Variants in R3HDM2 observed in about 807,000 individuals in gnomAD.
R3HDM2 encodes R3H domain-containing protein 2.
In R3HDM2, 38 loss-of-function variants were observed where a neutral mutation model predicts 124.5. The observed-to-expected ratio is 0.31, with a 90% CI of 0.24 to 0.40. The LOEUF (loss-of-function observed/expected upper bound fraction) is 0.40, where lower values mean the gene tolerates loss of function less well. Ranked by LOEUF, R3HDM2 falls within the 10% of genes least tolerant of loss-of-function variation. The probability of loss-of-function intolerance (pLI) is 1.00; values close to 1 mark genes in which losing one functional copy is unlikely to be tolerated. For missense variants in R3HDM2, 869 were observed against 1,236.9 expected, an observed-to-expected ratio of 0.70 and a Z score of 4.46; for synonymous variants, 391 against 448.0, an observed-to-expected ratio of 0.87 and a Z score of 1.61.
At chr12:57,414,112 G>C (rs1415586980) in intron 1 of R3HDM2, among the ~76,000 whole-genome samples, 1 of 151,164 alleles carries the variant, frequency 6.6e-6, no homozygotes, top group Non-Finnish European at 1.5e-5. Flanking sequence ...GCCTCCCAGA[G>C]TGCTGGGATC....
In R3HDM2 at chr12:57,255,951, G is replaced by T. The variant is rs367938273; in HGVS notation, c.2632+39C>A. ...ACTGGTAATTAAGCGCTGGAAGGGT[G>T]GGCACCTTCTCTTGGGGATTCAGCA... On this transcript the variant is annotated intron_variant, in intron 23 of 23. Transcript: ENST00000402412. 57 of 1,568,738 alleles carry T rather than the reference G, an allele frequency of 3.6e-5. No individual in the cohort carries two copies. In the African/African-American group the frequency reaches 6.2e-4, roughly 17 times the overall value.
At chr12:57,295,289 C>T (rs1180562823) in intron 10 of R3HDM2, 110 bp downstream of exon 10, 2 of 737,982 alleles carry the variant, frequency 2.7e-6, no homozygotes, top group African/African-American at 3.5e-5. Flanking sequence ...CAATACATTT[C>T]TCCGTACTAA....
chr12:57,303,115 G>T, intron 4 of R3HDM2, 61 bp downstream of exon 4: 1 of 1,386,052 alleles, frequency 7.2e-7, no homozygotes, highest in Non-Finnish European at 1.0e-6. Context: ...TTCATGACAA[G>T]TCTACTTGTG....
At chr12:57,360,651 A>AAAGGAAAGAGGAAAGGG (rs2061815848) in intron 2 of R3HDM2, among the ~76,000 whole-genome samples, 1 of 151,712 alleles carries the variant, frequency 6.6e-6, no homozygotes, top group Non-Finnish European at 1.5e-5. Context: ...AGGGAAGGGG[A>AAAGGAAAGAGGAAAGGG]AAGGAAAGAG....
At position 57,269,979 on chromosome 12, in the gene R3HDM2, T is replaced by G; in HGVS notation, c.1360A>C (p.Asn454His). 2 of 1,614,232 alleles carry G rather than the reference T, an allele frequency of 1.2e-6. No homozygotes were observed. ...CTAAGGCTCATTTGTCCAAAGGGGT[T>G]GCTGAGGTCATCTGCCTGTTGAGAG... ...HMISQADDLSNPFGQMSLSRQ... is the reference protein window; with the variant it reads ...HMISQADDLSHPFGQMSLSRQ... The change falls in exon 15 of 24, where the codon AAC becomes CAC. Residue 454 changes from asparagine to histidine, a missense_variant. Coordinates refer to ENST00000402412, the MANE Select transcript of R3HDM2 (RefSeq NM_001394031.1).
intron 2 of R3HDM2, among the ~76,000 whole-genome samples, chr12:57,364,162 T>C (rs2062311667): frequency 6.7e-6 from 1 of 149,634 alleles, no homozygotes; most frequent in African/African-American, 2.5e-5. Context: ...TTTTTTTTTT[T>C]TTTCAGATGG....
At chr12:57,376,030 T>TAA (rs1205639614) in intron 2 of R3HDM2, among the ~76,000 whole-genome samples, 1 of 152,202 alleles carries the variant, frequency 6.6e-6, no homozygotes, top group Non-Finnish European at 1.5e-5. Flanking sequence ...TCTCATTCTG[T>TAA]AAACCCAGGC....
intron 1 of R3HDM2, among the ~76,000 whole-genome samples, chr12:57,411,638 G>C (rs1030161013): frequency 2.0e-5 from 3 of 152,286 alleles, no homozygotes; most frequent in Non-Finnish European, 2.9e-5. Context: ...TAGAGTCCCA[G>C]AGCAGTACAT....
chr12:57,375,477 A>C (rs1025140471), intron 2 of R3HDM2, among the ~76,000 whole-genome samples: 1 of 152,200 alleles, frequency 6.6e-6, no homozygotes, highest in African/African-American at 2.4e-5. Flanking sequence ...AAATGGCTAT[A>C]TCTCTTCATA....
chr12:57,350,052 A>T (rs544214032), intron 2 of R3HDM2, among the ~76,000 whole-genome samples: 18 of 152,240 alleles, frequency 1.2e-4, no homozygotes, highest in African/African-American at 4.1e-4. Flanking sequence ...TCTACTAAAA[A>T]TACAAAAATC....
At chr12:57,399,007 A>T (rs1273172671) in intron 1 of R3HDM2, among the ~76,000 whole-genome samples, 1 of 152,238 alleles carries the variant, frequency 6.6e-6, no homozygotes, top group African/African-American at 2.4e-5. Flanking sequence ...CTATAAGAGA[A>T]TCACTGCTGA....
intron 2 of R3HDM2, among the ~76,000 whole-genome samples, chr12:57,392,711 A>G: frequency 6.6e-6 from 1 of 152,016 alleles, no homozygotes; most frequent in Non-Finnish European, 1.5e-5. Flanking sequence ...GCCCAAAGAC[A>G]ATGAAGTATC....
intron 21 of R3HDM2, among the ~76,000 whole-genome samples, chr12:57,257,601 C>G (rs1177534190): frequency 1.3e-5 from 2 of 152,192 alleles, no homozygotes; most frequent in African/African-American, 4.8e-5. Context: ...GAGACTGGAA[C>G]TTCTGAAACC....
chr12:57,422,412 C>A (rs569461376), intron 1 of R3HDM2, among the ~76,000 whole-genome samples: 2 of 152,192 alleles, frequency 1.3e-5, no homozygotes, highest in African/African-American at 4.8e-5. Flanking sequence ...AGCCTCATCC[C>A]ATTCCGTGCA....
intron 16 of R3HDM2, 35 bp from the exon 17 acceptor site, chr12:57,269,117 G>A (rs2043067467): frequency 1.2e-6 from 2 of 1,608,910 alleles, no homozygotes; most frequent in Admixed American, 3.3e-5. Flanking sequence ...ACATTAGTAT[G>A]AATGTTTAGG....
chr12:57,399,784 C>G (rs985194415), intron 1 of R3HDM2, among the ~76,000 whole-genome samples: 1 of 152,120 alleles, frequency 6.6e-6, no homozygotes, highest in African/African-American at 2.4e-5. Flanking sequence ...GACCTTCCCC[C>G]CTGAAAGTTT....
chr12:57,276,107 C>G (rs149634195), intron 14 of R3HDM2, among the ~76,000 whole-genome samples: 1,743 of 151,498 alleles, frequency 0.012, 33 homozygotes, highest in African/African-American at 0.04. Context: ...GTCCTAGCTA[C>G]TCGGGAGGCT....
At chr12:57,373,192 ACTCT>A (rs1466826825) in intron 2 of R3HDM2, among the ~76,000 whole-genome samples, 9 of 152,220 alleles carry the variant, frequency 5.9e-5, no homozygotes, top group African/African-American at 2.2e-4. Flanking sequence ...ACAAAGCAAG[ACTCT>A]GTCTCTAAAA....
chr12:57,270,761 A>G (rs2043422443), intron 14 of R3HDM2, among the ~76,000 whole-genome samples: 1 of 147,856 alleles, frequency 6.8e-6, no homozygotes, highest in Admixed American at 6.7e-5. Context: ...TAGAGACGGG[A>G]TTTCACCATG....
Sources: allele counts gnomAD v4.1 joint callset (sites outside exome capture counted in the v4.1 genomes callset), GRCh38; gene constraint gnomAD v4.1.1; transcripts MANE v1.5; gene names NCBI Gene and HGNC (gene_info 2026-07-23, HGNC 2026-07-21).